ADGRV1: variants seen among roughly 807,000 people sequenced by gnomAD.
The protein encoded by ADGRV1 is adhesion G protein-coupled receptor V1, also known as G-protein coupled receptor 98.
Under a neutral mutation model 596.2 loss-of-function variants are expected in ADGRV1, and 359 were observed. The observed-to-expected ratio is 0.60, with a 90% confidence interval of 0.55 to 0.66. The LOEUF is 0.66. Ranked by LOEUF, ADGRV1 falls within the 30% of genes least tolerant of loss-of-function variation. ADGRV1 has a pLI of 0.00. For missense variants in ADGRV1, 7,274 were observed against 7,575.6 expected, an observed-to-expected ratio of 0.96 and a Z score of 1.48; for synonymous variants, 2,681 against 2,679.2, an observed-to-expected ratio of 1.00 and a Z score of -0.02.
intron 21 of ADGRV1, among the ~76,000 whole-genome samples, chr5:90,664,950 C>A (rs1771049714): frequency 6.6e-6 from 1 of 151,992 alleles, no homozygotes; most frequent in South Asian, 2.1e-4. Flanking sequence ...AGCTTGCATC[C>A]CAGGGATGAA....
intron 87 of ADGRV1, among the ~76,000 whole-genome samples, chr5:91,120,748 A>T (rs1391064625): frequency 1.3e-5 from 2 of 152,194 alleles, no homozygotes; most frequent in East Asian, 3.9e-4. Flanking sequence ...CTGGCTCAGT[A>T]CTACAGATGC....
intron 21 of ADGRV1, among the ~76,000 whole-genome samples, chr5:90,664,464 G>C (rs992972443): frequency 8.6e-5 from 13 of 151,180 alleles, no homozygotes; most frequent in Admixed American, 2.6e-4. Context: ...CATTGATTTT[G>C]TATCCTGAGA....
intron 83 of ADGRV1, among the ~76,000 whole-genome samples, chr5:90,936,834 A>G (rs1775733167): frequency 6.6e-6 from 1 of 152,064 alleles, no homozygotes; most frequent in Non-Finnish European, 1.5e-5. Flanking sequence ...TTTTTTTGCT[A>G]CTTTTTAATT....
intron 87 of ADGRV1, among the ~76,000 whole-genome samples, chr5:91,141,127 T>A (rs1015748139): frequency 1.1e-4 from 17 of 152,226 alleles, no homozygotes; most frequent in African/African-American, 3.1e-4. Context: ...TACTGGATAT[T>A]TATAATTTAA....
chr5:90,774,827 T>C (rs934010576), intron 60 of ADGRV1, among the ~76,000 whole-genome samples: 1 of 152,224 alleles, frequency 6.6e-6, no homozygotes. Context: ...GAAATGTTAA[T>C]AGTGGTTTTT....
chr5:90,806,756 A>G (rs912234861), intron 72 of ADGRV1, among the ~76,000 whole-genome samples: 1 of 152,210 alleles, frequency 6.6e-6, no homozygotes, highest in African/African-American at 2.4e-5. Flanking sequence ...AAACAGGTTC[A>G]TTTAGTTTTT....
chr5:90,886,266 C>T (rs1180527527), intron 83 of ADGRV1, among the ~76,000 whole-genome samples: 2 of 152,108 alleles, frequency 1.3e-5, no homozygotes, highest in Non-Finnish European at 2.9e-5. Context: ...ATATAGATCA[C>T]CCACTCCTGG....
Position 90,729,772 on chromosome 5 carries a change from C to T in ADGRV1, c.10549+8C>T, listed in dbSNP as rs1245432080. ...CACCAGCCTCAGGAATAGGTAAGGA[C>T]TTTTCAACTGCTCACCAATTCTAAA... On this transcript the variant is annotated splice_region_variant and intron_variant, in intron 50 of 89. Transcript: ENST00000405460. The T allele has an allele frequency of 6.2e-7, 1 of 1,612,516 alleles. No homozygotes were observed. The highest frequency in any genetic ancestry group is 1.1e-5 in the South Asian group (1 of 90,796).
intron 87 of ADGRV1, among the ~76,000 whole-genome samples, chr5:91,142,429 C>T (rs529419683): frequency 6.6e-6 from 1 of 152,238 alleles, no homozygotes; most frequent in South Asian, 2.1e-4. Context: ...CTCTGAGTCC[C>T]TCATACCACA....
intron 85 of ADGRV1, among the ~76,000 whole-genome samples, chr5:91,062,364 C>T (rs1787513483): frequency 6.6e-6 from 1 of 152,168 alleles, no homozygotes; most frequent in Non-Finnish European, 1.5e-5. Context: ...AAGTCAGGGG[C>T]AAGCAAGAAT....
chr5:90,709,108 A>G (rs920197368), intron 39 of ADGRV1, among the ~76,000 whole-genome samples, 199 bp downstream of exon 39: 3 of 152,182 alleles, frequency 2.0e-5, no homozygotes. Context: ...ATTAAAAATT[A>G]TTGTGTGATG....
At chr5:91,073,471 A>G (rs1420917437) in intron 86 of ADGRV1, among the ~76,000 whole-genome samples, 1 of 152,208 alleles carries the variant, frequency 6.6e-6, no homozygotes. Flanking sequence ...GGTCTCTAGA[A>G]TAGTGTCTAA....
intron 86 of ADGRV1, among the ~76,000 whole-genome samples, chr5:91,096,044 G>A (rs1790833232): frequency 1.3e-5 from 2 of 151,358 alleles, no homozygotes; most frequent in Admixed American, 6.6e-5. Flanking sequence ...ACAGACGTGA[G>A]CCACTGCACT....
At chr5:90,978,294 C>CT (rs1366316485) in intron 84 of ADGRV1, among the ~76,000 whole-genome samples, 3 of 92,998 alleles carry the variant, frequency 3.2e-5, no homozygotes, top group African/African-American at 1.1e-4. Context: ...GACTTCATCT[C>CT]AAAATAAATA....
At chr5:90,669,545 G>A (rs1278303740) in intron 21 of ADGRV1, among the ~76,000 whole-genome samples, 2 of 152,152 alleles carry the variant, frequency 1.3e-5, no homozygotes, top group African/African-American at 4.8e-5. Context: ...CAATAGATAT[G>A]GCATATTATC....
intron 1 of ADGRV1, among the ~76,000 whole-genome samples, chr5:90,569,154 G>A (rs771428188): frequency 6.6e-6 from 1 of 151,696 alleles, no homozygotes; most frequent in Non-Finnish European, 1.5e-5. Context: ...CTCCTGTGAT[G>A]ACTAACCCAC....
At chr5:91,044,770 T>A (rs1785648559) in intron 85 of ADGRV1, among the ~76,000 whole-genome samples, 1 of 152,188 alleles carries the variant, frequency 6.6e-6, no homozygotes, top group Non-Finnish European at 1.5e-5. Flanking sequence ...AAATGTTTCT[T>A]CTTTCTTGAA....
intron 85 of ADGRV1, among the ~76,000 whole-genome samples, chr5:91,019,120 T>C (rs574326570): frequency 3.3e-5 from 5 of 152,100 alleles, no homozygotes; most frequent in Admixed American, 2.0e-4. Flanking sequence ...GAACTTATCA[T>C]TGTGGCTAGG....
Position 90,953,309 on chromosome 5 carries a change from A to G in ADGRV1, c.17857-12106A>G, listed in dbSNP as rs1295680514. On this transcript the variant is annotated intron_variant, in intron 83 of 89. Transcript: ENST00000405460. ...GACAATAACATTATAAGACTATTATAGGGATTAAAATGAAATAACCTATCT... is the reference window on the plus strand; with the variant it reads ...GACAATAACATTATAAGACTATTATGGGGATTAAAATGAAATAACCTATCT... 4.6e-5 allele frequency among the ~76,000 whole-genome samples: 7 copies of G among 152,182 alleles called. No homozygotes were observed. The South Asian group carries it at 8.3e-4, about 18-fold the overall frequency.
Sources: gnomAD v4.1 joint callset for allele counts (sites outside exome capture counted in the v4.1 genomes callset) on GRCh38, gnomAD v4.1.1 for gene constraint, MANE v1.5 for transcripts, NCBI Gene and HGNC (gene_info 2026-07-23, HGNC 2026-07-21) for gene names.